The following LYN variants were observed in gnomAD, a reference collection of about 807,000 sequenced individuals.
LYN encodes the protein LYN proto-oncogene, Src family tyrosine kinase, also known as tyrosine-protein kinase Lyn.
Under a neutral mutation model 65.0 loss-of-function variants are expected in LYN, and 12 were observed. The ratio of observed to expected loss-of-function variants is 0.18; its 90% CI spans 0.12 to 0.30. LYN has a LOEUF of 0.30. Ranked by LOEUF, LYN falls within the 10% of genes least tolerant of loss-of-function variation. The probability of loss-of-function intolerance (pLI) is 1.00; values close to 1 mark genes in which losing one functional copy is unlikely to be tolerated. For synonymous variants in LYN, 222 were observed against 221.2 expected (o/e 1.00, Z -0.03); for missense variants, 380 against 623.2 (o/e 0.61, Z 4.16).
At chr8:55,950,844 A>G (rs1806922081) in intron 6 of LYN, 60 bp downstream of exon 6, 2 of 1,221,764 alleles carry the variant, frequency 1.6e-6, no homozygotes, top group Non-Finnish European at 2.4e-6. Flanking sequence ...TTTAGAAACT[A>G]TTCTAGAGCT....
chr8:55,963,711 C>T (rs1807355666), intron 8 of LYN, among the ~76,000 whole-genome samples: 1 of 152,186 alleles, frequency 6.6e-6, no homozygotes, highest in African/African-American at 2.4e-5. Context: ...TGAATTTCTT[C>T]TTTTGAAATG....
chr8:55,972,601 T>C (rs903150771), intron 10 of LYN, among the ~76,000 whole-genome samples: 13 of 152,212 alleles, frequency 8.5e-5, no homozygotes, highest in African/African-American at 3.1e-4. Flanking sequence ...TTCACACACC[T>C]TTCTGAAATG....
chr8:55,957,015 C>G (rs1807138519), intron 8 of LYN, among the ~76,000 whole-genome samples: 1 of 152,212 alleles, frequency 6.6e-6, no homozygotes, highest in African/African-American at 2.4e-5. Flanking sequence ...ATTCGATAAA[C>G]AACATCACTG....
chr8:55,961,573 T>TA (rs1278564931), intron 8 of LYN, among the ~76,000 whole-genome samples: 1 of 152,188 alleles, frequency 6.6e-6, no homozygotes, highest in Non-Finnish European at 1.5e-5. Context: ...TATCAGTATT[T>TA]AAAATATATG....
At chr8:55,893,671 C>T (rs1805014123) in intron 1 of LYN, 1 of 152,218 alleles carries the variant, frequency 6.6e-6, no homozygotes, top group Non-Finnish European at 1.5e-5. Context: ...AATATGCATG[C>T]ATATGACTTG....
In LYN at chr8:55,977,673, G is replaced by A. The variant is rs536752987; in HGVS notation, c.1050+7880G>A. 5.3e-4 allele frequency among the ~76,000 whole-genome samples: 81 copies of A among 151,948 alleles called. 1 individual carries two copies. Among genetic ancestry groups the A allele is most frequent in the South Asian group, 5.2e-3 (25 of 4,810 alleles). On this transcript the variant is annotated intron_variant, in intron 10 of 12. Coordinates refer to ENST00000519728, the MANE Select transcript of LYN (RefSeq NM_002350.4). ...CATGCCTGTAATCCCAGCTCTTTGG[G>A]AGGCTGAAGTGGGAGGGTTGCCTGA...
rs116558247 is a variant in LYN at position 55,884,908 on chromosome 8, C to T, written c.-6+4805C>T. Among the ~76,000 whole-genome samples, 1,514 of 152,310 alleles carry T rather than the reference C, an allele frequency of 9.9e-3. 23 individuals carry two copies. The highest frequency in any genetic ancestry group is 0.033 in the African/African-American group (1,389 of 41,570). The stretch of plus-strand genomic sequence containing the variant: ...TTTCTCTCATTACTGAATTAGCTGG[C>T]AGCATTCCTTATTTGCCACAGAGCT... On this transcript the variant is annotated intron_variant, in intron 1 of 12. Transcript: ENST00000519728.
intron 1 of LYN, among the ~76,000 whole-genome samples, chr8:55,935,061 G>A (rs1268715664): frequency 6.6e-6 from 1 of 152,108 alleles, no homozygotes; most frequent in Non-Finnish European, 1.5e-5. Context: ...ATAGCCTAGA[G>A]GTGACGCCCA....
At chr8:55,930,645 C>T (rs927795151) in intron 1 of LYN, among the ~76,000 whole-genome samples, 2 of 152,170 alleles carry the variant, frequency 1.3e-5, no homozygotes, top group Admixed American at 1.3e-4. Flanking sequence ...CAGCAATGCC[C>T]TGTTGTCTTC....
intron 1 of LYN, among the ~76,000 whole-genome samples, chr8:55,905,102 C>T (rs57109999): frequency 2.0e-5 from 3 of 152,234 alleles, no homozygotes; most frequent in African/African-American, 4.8e-5. Flanking sequence ...GGGAATCTTT[C>T]GGCTATTTTA....
At chr8:55,911,188 T>TAC (rs373098694) in intron 1 of LYN, among the ~76,000 whole-genome samples, 1 of 21,786 alleles carries the variant, frequency 4.6e-5, no homozygotes, top group African/African-American at 9.8e-5. Context: ...TATATATATA[T>TAC]ACACACACAC....
chr8:55,898,409 C>T (rs1356867133), intron 1 of LYN, among the ~76,000 whole-genome samples: 1 of 152,144 alleles, frequency 6.6e-6, no homozygotes, highest in Non-Finnish European at 1.5e-5. Flanking sequence ...CCATCTCAGC[C>T]TCCCAAGTAG....
intron 12 of LYN, among the ~76,000 whole-genome samples, chr8:56,004,801 A>T (rs1808629559): frequency 6.6e-6 from 1 of 151,940 alleles, no homozygotes; most frequent in African/African-American, 2.4e-5. Context: ...TTATTTATTT[A>T]TTTGACAGGG....
At chr8:55,905,343 G>A (rs959800184) in intron 1 of LYN, among the ~76,000 whole-genome samples, 3 of 152,116 alleles carry the variant, frequency 2.0e-5, no homozygotes, top group Admixed American at 2.0e-4. Flanking sequence ...CCCGGGAGGT[G>A]GAGATTGCAG....
intron 1 of LYN, among the ~76,000 whole-genome samples, chr8:55,887,557 A>AAT (rs1196278216): frequency 0.014 from 993 of 68,728 alleles, 6 homozygotes; most frequent in African/African-American, 0.035. Context: ...TAAAAATATA[A>AAT]ATATATATAT....
chr8:55,912,289 T>C (rs968390135), intron 1 of LYN, among the ~76,000 whole-genome samples: 12 of 152,198 alleles, frequency 7.9e-5, no homozygotes, highest in African/African-American at 2.7e-4. Context: ...TTTTTCGTAA[T>C]GAAGTGGTTA....
intron 8 of LYN, among the ~76,000 whole-genome samples, chr8:55,958,325 T>C (rs1807178496): frequency 6.6e-6 from 1 of 152,200 alleles, no homozygotes; most frequent in Non-Finnish European, 1.5e-5. Flanking sequence ...GAGAAACAAG[T>C]TTAGAAGAGA....
chr8:55,920,524 C>A (rs1349901458), intron 1 of LYN, among the ~76,000 whole-genome samples: 1 of 152,118 alleles, frequency 6.6e-6, no homozygotes, highest in Non-Finnish European at 1.5e-5. Context: ...ATGGTGACCC[C>A]TGATGGAGGA....
chr8:55,883,034 T>C (rs1052561843), intron 1 of LYN, among the ~76,000 whole-genome samples: 1 of 152,230 alleles, frequency 6.6e-6, no homozygotes, highest in African/African-American at 2.4e-5. Flanking sequence ...TAGCCTAACC[T>C]ACCTTAAACA....
Sources: allele counts gnomAD v4.1 joint callset (sites outside exome capture counted in the v4.1 genomes callset), GRCh38; gene constraint gnomAD v4.1.1; transcripts MANE v1.5; gene names NCBI Gene and HGNC (gene_info 2026-07-23, HGNC 2026-07-21).